Variants in ADGB observed in about 807,000 individuals in gnomAD.
ADGB encodes the protein calpain-7-like protein.
Under a neutral mutation model 210.5 loss-of-function variants are expected in ADGB, and 172 were observed. That is an observed-to-expected ratio of 0.82 (90% CI 0.72 to 0.93). The LOEUF (loss-of-function observed/expected upper bound fraction) is 0.93, where lower values mean the gene tolerates loss of function less well. Among genes scored for constraint, ADGB ranks in the 40% least tolerant of loss-of-function variants. ADGB has a pLI of 0.00. For missense variants in ADGB, 2,025 were observed against 1,964.8 expected (o/e 1.03, Z -0.58); for synonymous variants, 658 against 662.7 (o/e 0.99, Z 0.11).
intron 6 of ADGB, among the ~76,000 whole-genome samples, chr6:146,664,785 C>T (rs568458976): frequency 2.0e-5 from 3 of 151,958 alleles, no homozygotes; most frequent in Non-Finnish European, 2.9e-5. Flanking sequence ...TGTCAATGTA[C>T]GCTTCATGAT....
At chr6:146,624,462 C>G (rs1046586915) in intron 1 of ADGB, among the ~76,000 whole-genome samples, 5 of 151,590 alleles carry the variant, frequency 3.3e-5, no homozygotes, top group African/African-American at 1.2e-4. Context: ...GTTTTCTCTC[C>G]TATATTCTTG....
At chr6:146,684,015 G>A (rs1776190507) in intron 9 of ADGB, among the ~76,000 whole-genome samples, 2 of 152,038 alleles carry the variant, frequency 1.3e-5, no homozygotes, top group African/African-American at 2.4e-5. Context: ...CAACCTGAAC[G>A]AGCCATGGGG....
chr6:146,770,498 G>A, intron 29 of ADGB: 1 of 432,412 alleles, frequency 2.3e-6, no homozygotes, highest in Non-Finnish European at 5.0e-6. Flanking sequence ...CTCTCTCATT[G>A]GGCAGGGATG....
intron 20 of ADGB, among the ~76,000 whole-genome samples, chr6:146,731,347 C>T (rs929380121): frequency 2.3e-5 from 3 of 130,530 alleles, no homozygotes; most frequent in African/African-American, 9.2e-5. Flanking sequence ...ATAATTAAAT[C>T]ACCATATGAC....
At chr6:146,680,614 G>C (rs1205765127) in intron 9 of ADGB, among the ~76,000 whole-genome samples, 3 of 152,092 alleles carry the variant, frequency 2.0e-5, no homozygotes, top group Non-Finnish European at 4.4e-5. Context: ...GGTAAAACTG[G>C]AACCTGCGAC....
chr6:146,666,999 C>A, intron 7 of ADGB, 97 bp downstream of exon 7: 1 of 914,748 alleles, frequency 1.1e-6, no homozygotes, highest in Non-Finnish European at 1.6e-6. Context: ...CAAGAAAGGT[C>A]ATGTTTTGCA....
At chr6:146,814,534 G>A (rs1158261341) in intron 35 of ADGB, among the ~76,000 whole-genome samples, 1 of 152,164 alleles carries the variant, frequency 6.6e-6, no homozygotes, top group African/African-American at 2.4e-5. Flanking sequence ...TGGTATCCTG[G>A]ATGAGTAGTT....
chr6:146,672,277 G>A lies in ADGB; in HGVS notation c.897G>A (p.Lys299=), dbSNP rs1583583675. The A allele has an allele frequency of 6.4e-7, 1 of 1,550,550 alleles. No individual in the cohort carries two copies. The highest frequency in any genetic ancestry group is 8.7e-7 in the Non-Finnish European group (1 of 1,146,476). Residue 299 remains lysine (K), a synonymous_variant, in exon 8 of 36, where the codon AAG becomes AAA. Transcript: ENST00000397944. ...TGAAAGAAATATTGCCTGAGTTTAA[G>A]CTGTCAGATGAGGCCAGCTCTGAAA... is the stretch of plus-strand genomic sequence containing the variant. ...ELLKEILPEF[K]LSDEASSESK...
chr6:146,644,524 T>C (rs947925848), intron 2 of ADGB, among the ~76,000 whole-genome samples: 4 of 151,824 alleles, frequency 2.6e-5, no homozygotes, highest in African/African-American at 4.8e-5. Context: ...TCCTATACAA[T>C]CAAAATGCTA....
At chr6:146,727,374 C>G (rs1776912551) in intron 19 of ADGB, among the ~76,000 whole-genome samples, 1 of 152,110 alleles carries the variant, frequency 6.6e-6, no homozygotes. Context: ...AGCTCTCTTT[C>G]TCTCTTGCTC....
intron 17 of ADGB, among the ~76,000 whole-genome samples, chr6:146,721,736 G>A (rs1252314370): frequency 6.6e-6 from 1 of 152,154 alleles, no homozygotes; most frequent in Non-Finnish European, 1.5e-5. Flanking sequence ...TACTCAGGAG[G>A]CTGAAGCAGG....
At chr6:146,769,181 A>T (rs1206058821) in intron 29 of ADGB, 50 bp downstream of exon 29, 1 of 796,830 alleles carries the variant, frequency 1.3e-6, no homozygotes, top group African/African-American at 1.7e-5. Context: ...GAATAAGTTG[A>T]TATTTAAATA....
chr6:146,633,901 G>A (rs1781100210), intron 1 of ADGB, among the ~76,000 whole-genome samples: 1 of 151,944 alleles, frequency 6.6e-6, no homozygotes, highest in African/African-American at 2.4e-5. Flanking sequence ...CAAATTTAAT[G>A]TAGCCTAAGT....
At chr6:146,634,203 C>T (rs1222804599) in intron 1 of ADGB, among the ~76,000 whole-genome samples, 1 of 152,128 alleles carries the variant, frequency 6.6e-6, no homozygotes, top group Admixed American at 6.6e-5. Flanking sequence ...ACTGTACCAT[C>T]TAGCCTAGCT....
intron 27 of ADGB, among the ~76,000 whole-genome samples, chr6:146,755,464 T>G (rs192940225): frequency 8.5e-4 from 129 of 152,250 alleles, no homozygotes; most frequent in African/African-American, 3.0e-3. Context: ...GATGGTTTTA[T>G]AAGGGGTTTT....
At chr6:146,762,498 A>G (rs956194497) in intron 27 of ADGB, among the ~76,000 whole-genome samples, 9 of 152,138 alleles carry the variant, frequency 5.9e-5, no homozygotes, top group East Asian at 3.8e-4. Context: ...CAACATTTTT[A>G]TCAGCTTCAT....
chr6:146,807,395 G>A, intron 35 of ADGB: 3 of 1,548,496 alleles, frequency 1.9e-6, no homozygotes, highest in Non-Finnish European at 2.6e-6. Flanking sequence ...GTTTTGCTTT[G>A]GAACAGGACT....
Position 146,752,725 on chromosome 6 carries a change from C to G in ADGB, c.3550+11C>G. ...GTTTGAGCTCCCAGTGTAAGTGTAC[C>G]TTTATGAACAGGATAGTTAGATTCA... is the stretch of plus-strand genomic sequence containing the variant. On this transcript the variant is annotated intron_variant, in intron 27 of 35. Transcript: ENST00000397944. 6.5e-7 allele frequency: 1 copy of G among 1,537,770 alleles called. No individual in the cohort carries two copies. The highest frequency in any genetic ancestry group is 1.4e-5 in the African/African-American group (1 of 72,286).
intron 1 of ADGB, among the ~76,000 whole-genome samples, chr6:146,619,903 G>A (rs897695199): frequency 1.3e-5 from 2 of 151,994 alleles, no homozygotes; most frequent in Non-Finnish European, 2.9e-5. Context: ...TTATATGTTA[G>A]CATCCAGTTT....
Sources: gnomAD v4.1 joint callset for allele counts (sites outside exome capture counted in the v4.1 genomes callset) on GRCh38, gnomAD v4.1.1 for gene constraint, MANE v1.5 for transcripts, NCBI Gene and HGNC (gene_info 2026-07-23, HGNC 2026-07-21) for gene names.